MAST4: variants seen among roughly 807,000 people sequenced by gnomAD.
MAST4 encodes the protein microtubule-associated serine/threonine-protein kinase 4.
Under a neutral mutation model 162.7 loss-of-function variants are expected in MAST4, and 89 were observed. The ratio of observed to expected loss-of-function variants is 0.55; its 90% confidence interval spans 0.46 to 0.65. The LOEUF (loss-of-function observed/expected upper bound fraction) is 0.65, where lower values mean the gene tolerates loss of function less well. MAST4 is among the 30% of genes least tolerant of loss of function. MAST4 has a pLI of 0.00. For synonymous variants in MAST4, 1,479 were observed against 1,361.1 expected, an observed-to-expected ratio of 1.09 and a Z score of -1.91; for missense variants, 3,153 against 3,374.0, an observed-to-expected ratio of 0.93 and a Z score of 1.62.
intron 3 of MAST4, among the ~76,000 whole-genome samples, chr5:66,869,826 A>C (rs939400732): frequency 4.6e-5 from 7 of 152,130 alleles, no homozygotes; most frequent in Non-Finnish European, 1.0e-4. Flanking sequence ...TCTCACTTGC[A>C]TGGGGCCTTT....
chr5:66,954,401 T>A (rs1581000046), intron 4 of MAST4, among the ~76,000 whole-genome samples: 1 of 152,172 alleles, frequency 6.6e-6, no homozygotes, highest in East Asian at 1.9e-4. Flanking sequence ...CAATGAAAAA[T>A]CTCCTGAATT....
At position 67,165,806 on chromosome 5, in the gene MAST4, C is replaced by T. The variant is rs1469475020; in HGVS notation, c.6627C>T (p.Asp2209=). The change falls in exon 29 of 29, where the codon GAC becomes GAT. Residue 2209 remains aspartate (D), a synonymous_variant. Transcript: ENST00000403625. ...DPGPPKTKHP[D]RSLSSQKPSV... is the part of the protein sequence containing the mutation. Reference sequence around the variant, plus strand: ...GCCCTCCAAAGACTAAGCACCCCGACCGGTCCCTCTCCTCTCAGAAACCAA... The same window carrying T: ...GCCCTCCAAAGACTAAGCACCCCGATCGGTCCCTCTCCTCTCAGAAACCAA... 1 of 1,612,050 alleles carries T rather than the reference C, an allele frequency of 6.2e-7. No homozygotes were observed. The highest frequency in any genetic ancestry group is 8.5e-7 in the Non-Finnish European group (1 of 1,179,386).
At chr5:66,906,574 T>C (rs1005563883) in intron 4 of MAST4, among the ~76,000 whole-genome samples, 10 of 152,174 alleles carry the variant, frequency 6.6e-5, no homozygotes, top group African/African-American at 2.2e-4. Flanking sequence ...CATTCCAGTA[T>C]TAGAAATTCA....
intron 1 of MAST4, among the ~76,000 whole-genome samples, chr5:66,706,473 T>A (rs1223159351): frequency 6.6e-6 from 1 of 151,886 alleles, no homozygotes; most frequent in Non-Finnish European, 1.5e-5. Flanking sequence ...CACATTATCC[T>A]ATATGTTCTT....
chr5:66,613,072 T>A (rs1364138689), intron 1 of MAST4, among the ~76,000 whole-genome samples: 1 of 152,124 alleles, frequency 6.6e-6, no homozygotes, highest in Admixed American at 6.5e-5. Flanking sequence ...TTAAACAATG[T>A]TTACAATTAA....
chr5:66,761,756 A>T (rs1383274187), intron 2 of MAST4, among the ~76,000 whole-genome samples: 1 of 152,156 alleles, frequency 6.6e-6, no homozygotes. Context: ...GTTTAAGGCA[A>T]ATCTTTTCCC....
At chr5:66,699,846 G>A (rs1749650240) in intron 1 of MAST4, among the ~76,000 whole-genome samples, 1 of 151,896 alleles carries the variant, frequency 6.6e-6, no homozygotes, top group South Asian at 2.1e-4. Flanking sequence ...GTTGATGGGT[G>A]CAGCAAACCA....
intron 1 of MAST4, among the ~76,000 whole-genome samples, chr5:66,688,318 C>T (rs1221463309): frequency 6.6e-6 from 1 of 152,170 alleles, no homozygotes. Flanking sequence ...ATGAAGTAAC[C>T]TTAGGAATGT....
chr5:67,136,054 G>A (rs1240586758), intron 18 of MAST4, among the ~76,000 whole-genome samples: 4 of 151,664 alleles, frequency 2.6e-5, no homozygotes, highest in African/African-American at 9.7e-5. Context: ...GTTTGTTTCT[G>A]GAAATAGTTA....
chr5:67,050,179 A>G (rs1041705178), intron 4 of MAST4, among the ~76,000 whole-genome samples: 4 of 152,190 alleles, frequency 2.6e-5, no homozygotes, highest in African/African-American at 7.2e-5. Context: ...CCTTCTTAGC[A>G]AATGGGAGGT....
At chr5:66,748,557 C>T (rs936950483) in intron 1 of MAST4, among the ~76,000 whole-genome samples, 5 of 150,922 alleles carry the variant, frequency 3.3e-5, no homozygotes, top group South Asian at 2.1e-4. Context: ...GGTGCGATCT[C>T]GGCTCACTGC....
At chr5:66,878,996 T>G (rs1008157755) in intron 3 of MAST4, among the ~76,000 whole-genome samples, 4 of 152,166 alleles carry the variant, frequency 2.6e-5, no homozygotes, top group Non-Finnish European at 5.9e-5. Flanking sequence ...AAAAGTACAA[T>G]GGGCCGGGCG....
chr5:67,010,556 G>A (rs1561529459), intron 4 of MAST4, among the ~76,000 whole-genome samples: 1 of 152,050 alleles, frequency 6.6e-6, no homozygotes, highest in Non-Finnish European at 1.5e-5. Context: ...TAATAAACAC[G>A]GGACTTACTA....
intron 1 of MAST4, among the ~76,000 whole-genome samples, chr5:66,708,676 G>T (rs1750301702): frequency 6.6e-6 from 1 of 152,158 alleles, no homozygotes; most frequent in Admixed American, 6.5e-5. Flanking sequence ...ATAGTGAGCT[G>T]CATGTTTGGC....
At chr5:66,798,265 G>T (rs191109401) in intron 3 of MAST4, among the ~76,000 whole-genome samples, 2 of 152,132 alleles carry the variant, frequency 1.3e-5, no homozygotes. Flanking sequence ...TTAGTTACTT[G>T]GGATCTACTA....
At chr5:66,753,250 G>A (rs1753303585) in intron 1 of MAST4, among the ~76,000 whole-genome samples, 2 of 152,224 alleles carry the variant, frequency 1.3e-5, no homozygotes, top group East Asian at 1.9e-4. Flanking sequence ...AACTAGAAAA[G>A]CAAGAGCAAA....
In MAST4 at chr5:66,896,772, T is replaced by C. The variant is rs540679967; in HGVS notation, c.643-3179T>C. On this transcript the variant is annotated intron_variant, in intron 3 of 28. Coordinates refer to ENST00000403625, the MANE Select transcript of MAST4 (RefSeq NM_001164664.2). Reference sequence around the variant, plus strand: ...TGAATGAGATAGTTGCCTTCTCTTTTTGAAGCTAAGGATGGCTGGGTGAAA... The same window carrying C: ...TGAATGAGATAGTTGCCTTCTCTTTCTGAAGCTAAGGATGGCTGGGTGAAA... 2.0e-5 allele frequency among the ~76,000 whole-genome samples: 3 copies of C among 152,326 alleles called. No individual in the cohort carries two copies. The Middle Eastern group carries it at 0.01, about 518-fold the overall frequency.
At chr5:66,896,863 G>A (rs1020434017) in intron 3 of MAST4, among the ~76,000 whole-genome samples, 4 of 152,122 alleles carry the variant, frequency 2.6e-5, no homozygotes, top group Non-Finnish European at 5.9e-5. Context: ...GGATTGGAGG[G>A]ATCTTTTGGT....
intron 1 of MAST4, among the ~76,000 whole-genome samples, chr5:66,749,060 G>T (rs930251246): frequency 1.3e-5 from 2 of 152,066 alleles, no homozygotes; most frequent in African/African-American, 4.8e-5. Context: ...TGTCACTCAG[G>T]AGGGCCAGTT....
Sources: allele counts gnomAD v4.1 joint callset (sites outside exome capture counted in the v4.1 genomes callset), GRCh38; gene constraint gnomAD v4.1.1; transcripts MANE v1.5; gene names NCBI Gene and HGNC (gene_info 2026-07-23, HGNC 2026-07-21).